FOXP1: variants seen among roughly 807,000 people sequenced by gnomAD.
FOXP1 encodes the protein forkhead box P1, also known as forkhead box protein P1.
Under a neutral mutation model 98.2 loss-of-function variants are expected in FOXP1, and 15 were observed. The observed-to-expected ratio is 0.15, with a 90% CI of 0.10 to 0.24. FOXP1 has a LOEUF of 0.24. FOXP1 is among the 10% of genes least tolerant of loss of function. The pLI is 1.00. For missense variants in FOXP1, 633 were observed against 848.5 expected (o/e 0.75, Z 3.15); for synonymous variants, 371 against 314.5 (o/e 1.18, Z -1.90).
intron 5 of FOXP1, among the ~76,000 whole-genome samples, chr3:71,226,634 T>C (rs1006317957): frequency 1.3e-5 from 2 of 151,968 alleles, no homozygotes; most frequent in African/African-American, 4.8e-5. Context: ...TCAATCTCTT[T>C]CACTCTGTCT....
At chr3:71,418,905 C>T (rs2083415415) in intron 3 of FOXP1, among the ~76,000 whole-genome samples, 1 of 141,100 alleles carries the variant, frequency 7.1e-6, no homozygotes, top group Non-Finnish European at 1.5e-5. Flanking sequence ...AGTTCCAGAC[C>T]AACCTCTGCA....
At chr3:71,422,658 A>G (rs566202778) in intron 3 of FOXP1, among the ~76,000 whole-genome samples, 18 of 152,360 alleles carry the variant, frequency 1.2e-4, no homozygotes, top group South Asian at 2.1e-4. Flanking sequence ...ATAATCGCCC[A>G]AGCTGCAACA....
rs1553767532 is a variant in FOXP1 at position 71,173,420 on chromosome 3, C to CACA, written c.180+24781_180+24782insTGT. Among the ~76,000 whole-genome samples, 27 of 149,436 alleles carry CACA rather than the reference C, an allele frequency of 1.8e-4. No homozygotes were observed. The East Asian group carries it at 4.7e-3, about 26-fold the overall frequency. The stretch of plus-strand genomic sequence containing the variant: ...ACACACACACACACACACACACACA[C>CACA]ACTTTTTGCCTTAGTTCTTGCCCTG... On this transcript the variant is annotated intron_variant, in intron 6 of 20. Transcript: ENST00000649528.
chr3:71,309,920 A>T (rs1199417496), intron 4 of FOXP1, among the ~76,000 whole-genome samples: 3 of 150,626 alleles, frequency 2.0e-5, no homozygotes, highest in East Asian at 1.9e-4. Flanking sequence ...ATGTGGACAT[A>T]AAAAAAAATC....
At chr3:71,356,943 C>A (rs2078204136) in intron 4 of FOXP1, among the ~76,000 whole-genome samples, 1 of 152,136 alleles carries the variant, frequency 6.6e-6, no homozygotes, top group Non-Finnish European at 1.5e-5. Flanking sequence ...GAATCATGTA[C>A]AGGCCAATTT....
At chr3:71,407,976 C>T (rs1433114008) in intron 3 of FOXP1, among the ~76,000 whole-genome samples, 1 of 152,068 alleles carries the variant, frequency 6.6e-6, no homozygotes, top group Non-Finnish European at 1.5e-5. Flanking sequence ...CCTTTGAGAC[C>T]CTGTGCTTGA....
At position 71,070,570 on chromosome 3, in the gene FOXP1, A is replaced by G. The variant is rs73838153; in HGVS notation, c.283-16797T>C. Among the ~76,000 whole-genome samples the G allele has an allele frequency of 6.0e-3, 919 of 152,298 alleles. 15 individuals carry two copies. The highest frequency in any genetic ancestry group is 0.021 in the African/African-American group (882 of 41,560). Reference sequence around the variant, plus strand: ...GCTTATCCTTTGTTTCAGTAAGAAAACAGTCAACTTTGAGACTGATTAGCT... The same window carrying G: ...GCTTATCCTTTGTTTCAGTAAGAAAGCAGTCAACTTTGAGACTGATTAGCT... On this transcript the variant is annotated intron_variant, in intron 7 of 20. Coordinates refer to ENST00000649528, the MANE Select transcript of FOXP1 (RefSeq NM_001349338.3).
chr3:71,449,251 G>C (rs1308766128), intron 3 of FOXP1, among the ~76,000 whole-genome samples: 1 of 152,134 alleles, frequency 6.6e-6, no homozygotes, highest in Non-Finnish European at 1.5e-5. Context: ...AAGGTGCCTA[G>C]GGTGCAAAAT....
chr3:71,199,262 G>T (rs2063504492), intron 5 of FOXP1, among the ~76,000 whole-genome samples: 1 of 151,746 alleles, frequency 6.6e-6, no homozygotes, highest in South Asian at 2.1e-4. Flanking sequence ...CCACCACCAG[G>T]CCCAGCTAAT....
Position 71,573,292 on chromosome 3 carries a change from G to A in FOXP1, c.-298+8257C>T, listed in dbSNP as rs552416488. 3.9e-5 allele frequency among the ~76,000 whole-genome samples: 6 copies of A among 152,212 alleles called. No homozygotes were observed. The South Asian group carries it at 8.3e-4, about 21-fold the overall frequency. ...AAGCATACTTTGTGTGTGATTTCAG[G>A]ACAAAAAGGTATCAGAAAAGGTGAA... is the stretch of plus-strand genomic sequence containing the variant. On this transcript the variant is annotated intron_variant, in intron 2 of 20. Transcript: ENST00000649528.
intron 7 of FOXP1, among the ~76,000 whole-genome samples, chr3:71,058,767 G>C (rs931303699): frequency 6.6e-6 from 1 of 151,776 alleles, no homozygotes; most frequent in Admixed American, 6.6e-5. Context: ...AGAAAAGTTA[G>C]AAAGCTTCTA....
rs1411837563 is a variant in FOXP1 at position 70,958,355 on chromosome 3, G to A, written c.*892C>T. On this transcript the variant is annotated 3_prime_UTR_variant, in exon 21 of 21. Coordinates refer to ENST00000649528, the MANE Select transcript of FOXP1 (RefSeq NM_001349338.3). ...CATTCTCTTTCTGGCAGGACGTCACGTCTGTGTGAGAGGGCCTTCATGTGT... is the reference window on the plus strand; with the variant it reads ...CATTCTCTTTCTGGCAGGACGTCACATCTGTGTGAGAGGGCCTTCATGTGT... The A allele has an allele frequency of 1.3e-5, 7 of 532,694 alleles. No homozygotes were observed. In the East Asian group the frequency reaches 2.7e-4, roughly 21 times the overall value. The allele number at this position is 532,694 out of a possible 1,614,324, so 33.0% of individuals were successfully genotyped here.
At chr3:71,248,764 C>G (rs2067959251) in intron 5 of FOXP1, among the ~76,000 whole-genome samples, 1 of 150,960 alleles carries the variant, frequency 6.6e-6, no homozygotes, top group African/African-American at 2.4e-5. Context: ...AAAAATTCAG[C>G]ATGAAGTCGA....
At chr3:71,453,520 C>A (rs1229213032) in intron 3 of FOXP1, among the ~76,000 whole-genome samples, 5 of 152,182 alleles carry the variant, frequency 3.3e-5, no homozygotes. Flanking sequence ...AGGATTTCAA[C>A]ACAGGAGCAA....
intron 20 of FOXP1, 129 bp downstream of exon 20, chr3:70,965,761 T>G: frequency 1.0e-6 from 1 of 966,452 alleles, no homozygotes; most frequent in South Asian, 1.3e-5. Context: ...TACAAACTTC[T>G]AGCTTGGTTC....
At chr3:70,993,490 T>G (rs1039020699) in intron 13 of FOXP1, among the ~76,000 whole-genome samples, 1 of 152,218 alleles carries the variant, frequency 6.6e-6, no homozygotes, top group South Asian at 2.1e-4. Context: ...TATTCGCCAT[T>G]GGCATTAAAC....
intron 3 of FOXP1, among the ~76,000 whole-genome samples, chr3:71,373,860 T>A (rs1362952514): frequency 6.6e-6 from 1 of 152,222 alleles, no homozygotes; most frequent in Non-Finnish European, 1.5e-5. Flanking sequence ...AGCTGTCTTC[T>A]TGTAGCAAAG....
At chr3:71,146,637 C>T (rs1043310625) in intron 6 of FOXP1, among the ~76,000 whole-genome samples, 1 of 152,180 alleles carries the variant, frequency 6.6e-6, no homozygotes, top group African/African-American at 2.4e-5. Context: ...CTTCACTATA[C>T]TTTACAAACT....
At chr3:71,182,882 C>T (rs558234989) in intron 6 of FOXP1, among the ~76,000 whole-genome samples, 56 of 145,094 alleles carry the variant, frequency 3.9e-4, no homozygotes, top group Non-Finnish European at 5.9e-4. Context: ...CATTAACAGA[C>T]CCCCCCAAAA....
Sources: gnomAD v4.1 joint callset for allele counts (sites outside exome capture counted in the v4.1 genomes callset) on GRCh38, gnomAD v4.1.1 for gene constraint, MANE v1.5 for transcripts, NCBI Gene and HGNC (gene_info 2026-07-23, HGNC 2026-07-21) for gene names.